CCDC102B: variants seen among roughly 807,000 people sequenced by gnomAD.
CCDC102B encodes coiled-coil domain containing 102B, also known as coiled-coil domain-containing protein 102B.
In CCDC102B, 75 loss-of-function variants were observed where a neutral mutation model predicts 57.4. The observed-to-expected ratio is 1.31, with a 90% CI of 1.08 to 1.58. CCDC102B has a LOEUF of 1.58. Ranked by LOEUF, CCDC102B falls within the 40% of genes most tolerant of loss-of-function variation. The probability of loss-of-function intolerance (pLI) is 0.00; values close to 1 mark genes in which losing one functional copy is unlikely to be tolerated. For missense variants in CCDC102B, 636 were observed against 582.6 expected, an observed-to-expected ratio of 1.09 and a Z score of -0.94; for synonymous variants, 206 against 201.9, an observed-to-expected ratio of 1.02 and a Z score of -0.17.
chr18:68,979,329 G>T (rs1408512513), intron 6 of CCDC102B, among the ~76,000 whole-genome samples: 1 of 151,892 alleles, frequency 6.6e-6, no homozygotes, highest in Non-Finnish European at 1.5e-5. Context: ...TGACTTAAAA[G>T]TACTCTTTTC....
At chr18:68,912,142 G>A (rs1360017973) in intron 6 of CCDC102B, among the ~76,000 whole-genome samples, 1 of 148,922 alleles carries the variant, frequency 6.7e-6, no homozygotes, top group Non-Finnish European at 1.5e-5. Context: ...GGTAAATTTT[G>A]AGATTTGATC....
At chr18:68,869,183 G>T (rs1203474894) in intron 4 of CCDC102B, among the ~76,000 whole-genome samples, 1 of 152,174 alleles carries the variant, frequency 6.6e-6, no homozygotes, top group African/African-American at 2.4e-5. Context: ...ATTTATGAAT[G>T]TAGAAAGGAA....
chr18:69,016,497 T>TAGATAAAGGGGAAAA (rs1434508693), intron 7 of CCDC102B, among the ~76,000 whole-genome samples: 1 of 152,062 alleles, frequency 6.6e-6, no homozygotes, highest in African/African-American at 2.4e-5. Context: ...CATGCAAAAA[T>TAGATAAAGGGGAAAA]AGATAAAGGG....
At chr18:68,852,282 A>G (rs2038164348) in intron 4 of CCDC102B, among the ~76,000 whole-genome samples, 1 of 152,144 alleles carries the variant, frequency 6.6e-6, no homozygotes, top group Non-Finnish European at 1.5e-5. Flanking sequence ...TATTATTAGC[A>G]GTGAAACAGC....
intron 7 of CCDC102B, among the ~76,000 whole-genome samples, chr18:69,040,271 A>T (rs571580534): frequency 6.6e-6 from 1 of 152,014 alleles, no homozygotes; most frequent in African/African-American, 2.4e-5. Flanking sequence ...TTATTTTTAT[A>T]TGAAAGCTCA....
At chr18:68,819,122 T>C (rs1236875145) in intron 1 of CCDC102B, among the ~76,000 whole-genome samples, 1 of 152,154 alleles carries the variant, frequency 6.6e-6, no homozygotes, top group Non-Finnish European at 1.5e-5. Flanking sequence ...TAAAATACTT[T>C]TTATAAATAT....
chr18:68,999,542 G>T (rs1296835863), intron 6 of CCDC102B, among the ~76,000 whole-genome samples: 1 of 152,096 alleles, frequency 6.6e-6, no homozygotes, highest in Non-Finnish European at 1.5e-5. Flanking sequence ...GGAAAAAGAG[G>T]TTGCTGTGAG....
chr18:69,015,493 T>C (rs896193172), intron 7 of CCDC102B, among the ~76,000 whole-genome samples: 1 of 152,234 alleles, frequency 6.6e-6, no homozygotes. Context: ...AAAATTATGT[T>C]AGTTTTATTG....
intron 2 of CCDC102B, among the ~76,000 whole-genome samples, chr18:68,720,503 C>T (rs958680459): frequency 3.3e-5 from 5 of 152,130 alleles, no homozygotes; most frequent in African/African-American, 9.7e-5. Flanking sequence ...CATTTTAAAG[C>T]GTTCTATGCA....
At chr18:68,957,382 A>G (rs969949864) in intron 6 of CCDC102B, among the ~76,000 whole-genome samples, 3 of 151,866 alleles carry the variant, frequency 2.0e-5, no homozygotes, top group Non-Finnish European at 2.9e-5. Context: ...CCTTTCCCCA[A>G]TGTATGTTCT....
intron 2 of CCDC102B, among the ~76,000 whole-genome samples, chr18:68,837,916 T>G (rs2144789948): frequency 6.6e-6 from 1 of 152,356 alleles, no homozygotes; most frequent in African/African-American, 2.4e-5. Flanking sequence ...ATGCTCATTC[T>G]TGAGAGAATT....
intron 4 of CCDC102B, among the ~76,000 whole-genome samples, chr18:68,868,422 G>A (rs2039097507): frequency 6.6e-6 from 1 of 152,038 alleles, no homozygotes; most frequent in Non-Finnish European, 1.5e-5. Context: ...AAGGGATTTT[G>A]GCTAAATTTT....
chr18:68,719,594 C>T (rs1169394744), intron 2 of CCDC102B, among the ~76,000 whole-genome samples: 1 of 152,130 alleles, frequency 6.6e-6, no homozygotes, highest in African/African-American at 2.4e-5. Flanking sequence ...GGATGATGCC[C>T]CCACCTCCCC....
chr18:68,799,844 T>A (rs900410520), intron 1 of CCDC102B, among the ~76,000 whole-genome samples: 1 of 152,152 alleles, frequency 6.6e-6, no homozygotes, highest in Non-Finnish European at 1.5e-5. Flanking sequence ...TTTGTGAGTA[T>A]CAGACGTTGT....
At chr18:68,970,187 A>G (rs1462075530) in intron 6 of CCDC102B, among the ~76,000 whole-genome samples, 1 of 152,068 alleles carries the variant, frequency 6.6e-6, no homozygotes, top group Non-Finnish European at 1.5e-5. Context: ...TAGTAAACAG[A>G]TAAAATATTA....
At chr18:69,013,596 G>A (rs1007933164) in intron 7 of CCDC102B, among the ~76,000 whole-genome samples, 1 of 152,100 alleles carries the variant, frequency 6.6e-6, no homozygotes, top group African/African-American at 2.4e-5. Context: ...CTGGAATGAT[G>A]GAATCTAACA....
upstream of CCDC102B, among the ~76,000 whole-genome samples, chr18:68,795,374 A>G (rs151274367): frequency 3.5e-3 from 536 of 152,318 alleles, 6 homozygotes; most frequent in African/African-American, 0.012. Flanking sequence ...TATATATTTC[A>G]GAATTATATG....
At chr18:68,728,909 T>A (rs1480595437) in intron 2 of CCDC102B, among the ~76,000 whole-genome samples, 1 of 152,028 alleles carries the variant, frequency 6.6e-6, no homozygotes, top group African/African-American at 2.4e-5. Flanking sequence ...AAATTGTTAT[T>A]AATCATGGAT....
intron 7 of CCDC102B, among the ~76,000 whole-genome samples, chr18:69,051,769 A>G (rs960270280): frequency 1.3e-5 from 2 of 152,056 alleles, no homozygotes; most frequent in Non-Finnish European, 1.5e-5. Context: ...TTGATATGTC[A>G]GATCAATTGA....
Sources: allele counts gnomAD v4.1 joint callset (sites outside exome capture counted in the v4.1 genomes callset), GRCh38; gene constraint gnomAD v4.1.1; transcripts MANE v1.5; gene names NCBI Gene and HGNC (gene_info 2026-07-23, HGNC 2026-07-21).